DLG2: variants seen among roughly 807,000 people sequenced by gnomAD.
The protein encoded by DLG2 is disks large homolog 2.
Under a neutral mutation model 132.5 loss-of-function variants are expected in DLG2, and 45 were observed. The ratio of observed to expected loss-of-function variants is 0.34; its 90% CI spans 0.27 to 0.44. The LOEUF is 0.44. Among genes scored for constraint, DLG2 ranks in the 20% least tolerant of loss-of-function variants. The probability of loss-of-function intolerance (pLI) is 1.00; values close to 1 mark genes in which losing one functional copy is unlikely to be tolerated. For synonymous variants in DLG2, 424 were observed against 419.6 expected, an observed-to-expected ratio of 1.01 and a Z score of -0.13; for missense variants, 1,045 against 1,196.9, an observed-to-expected ratio of 0.87 and a Z score of 1.87.
rs2058347239 is a variant in DLG2, at chr11:84,694,011, G to T, written c.358-159280C>A. Among the ~76,000 whole-genome samples, 2 of 151,546 alleles carry T rather than the reference G, an allele frequency of 1.3e-5. 1 individual carries two copies. The highest frequency in any genetic ancestry group is 4.1e-4 in the South Asian group (2 of 4,822). ...ACCATACATGTAATTGTTTTAAGTA[G>T]AAGTTTCAAATAGACCACAGGCCTA... On this transcript the variant is annotated intron_variant, in intron 6 of 27. Coordinates refer to ENST00000376104, the MANE Select transcript of DLG2 (RefSeq NM_001142699.3).
At chr11:84,222,591 AT>A (rs1440002369) in intron 8 of DLG2, among the ~76,000 whole-genome samples, 1 of 152,188 alleles carries the variant, frequency 6.6e-6, no homozygotes, top group African/African-American at 2.4e-5. Flanking sequence ...TTGCACATGT[AT>A]CACCTAACCT....
chr11:85,599,605 T>G (rs1203843888), intron 2 of DLG2, among the ~76,000 whole-genome samples: 1 of 152,162 alleles, frequency 6.6e-6, no homozygotes, highest in Admixed American at 6.5e-5. Flanking sequence ...AGACAATATA[T>G]GCACAATCCC....
chr11:84,677,016 G>C (rs1158239331), intron 6 of DLG2, among the ~76,000 whole-genome samples: 1 of 151,912 alleles, frequency 6.6e-6, no homozygotes, highest in Admixed American at 6.6e-5. Flanking sequence ...GATCATGAAG[G>C]GCCCTAGAGG....
chr11:84,793,382 T>C (rs1488274919), intron 6 of DLG2, among the ~76,000 whole-genome samples: 1 of 152,210 alleles, frequency 6.6e-6, no homozygotes, highest in South Asian at 2.1e-4. Flanking sequence ...TTTTGGCCAC[T>C]GGATGAAATG....
At position 84,511,291 on chromosome 11, in the gene DLG2, A is replaced by C. The variant is rs2099256398; in HGVS notation, c.519+23279T>G. 3.3e-5 allele frequency among the ~76,000 whole-genome samples: 5 copies of C among 152,222 alleles called. No homozygotes were observed. In the South Asian group the frequency reaches 1.0e-3, roughly 32 times the overall value. ...GTTATTCTATTCTTACTTCAATTTA[A>C]TATAGGACTAATCAAATATGAATGC... On this transcript the variant is annotated intron_variant, in intron 7 of 27. Coordinates refer to ENST00000376104, the MANE Select transcript of DLG2 (RefSeq NM_001142699.3).
intron 17 of DLG2, among the ~76,000 whole-genome samples, chr11:83,818,449 T>C (rs2153976645): frequency 6.6e-6 from 1 of 152,296 alleles, no homozygotes; most frequent in African/African-American, 2.4e-5. Context: ...CTCACTGTAC[T>C]TTTCTTATAG....
intron 7 of DLG2, among the ~76,000 whole-genome samples, chr11:84,262,182 T>C (rs890667409): frequency 2.6e-5 from 4 of 152,270 alleles, no homozygotes; most frequent in Admixed American, 2.0e-4. Flanking sequence ...ACCAGACTAA[T>C]AACCAGATGG....
chr11:85,505,533 G>T (rs528701199), intron 3 of DLG2, among the ~76,000 whole-genome samples: 5 of 152,086 alleles, frequency 3.3e-5, no homozygotes, highest in African/African-American at 7.2e-5. Flanking sequence ...ATTGATTTGC[G>T]TATGTTGAAC....
chr11:83,699,862 C>A (rs2082592519), intron 18 of DLG2, among the ~76,000 whole-genome samples: 1 of 148,680 alleles, frequency 6.7e-6, no homozygotes, highest in Admixed American at 6.7e-5. Flanking sequence ...TGTATGTATG[C>A]ATGTATCTGT....
At chr11:84,460,778 C>T (rs2099078231) in intron 7 of DLG2, among the ~76,000 whole-genome samples, 1 of 150,580 alleles carries the variant, frequency 6.6e-6, no homozygotes, top group Non-Finnish European at 1.5e-5. Flanking sequence ...TTCTCTAGTG[C>T]TGATGAGGAA....
intron 6 of DLG2, among the ~76,000 whole-genome samples, chr11:84,653,909 C>G (rs942673492): frequency 2.6e-5 from 4 of 152,088 alleles, no homozygotes; most frequent in Non-Finnish European, 5.9e-5. Context: ...CTCCATCACT[C>G]CAGAATTCTA....
At chr11:84,056,785 G>T (rs2096508489) in intron 11 of DLG2, among the ~76,000 whole-genome samples, 1 of 152,060 alleles carries the variant, frequency 6.6e-6, no homozygotes, top group African/African-American at 2.4e-5. Flanking sequence ...GACTAAAATA[G>T]TTTTTCTGTA....
chr11:85,294,788 A>G (rs1230609433), intron 3 of DLG2, among the ~76,000 whole-genome samples: 1 of 152,172 alleles, frequency 6.6e-6, no homozygotes, highest in Non-Finnish European at 1.5e-5. Flanking sequence ...ACTTGAATCA[A>G]TAAAGCAGAA....
At chr11:85,089,967 G>A (rs1392761021) in intron 6 of DLG2, among the ~76,000 whole-genome samples, 2 of 152,122 alleles carry the variant, frequency 1.3e-5, no homozygotes, top group Middle Eastern at 3.2e-3. Flanking sequence ...CTTCTATAAT[G>A]TTTAAATTTG....
chr11:83,902,117 C>T (rs2073620923), intron 15 of DLG2, among the ~76,000 whole-genome samples: 1 of 152,118 alleles, frequency 6.6e-6, no homozygotes, highest in African/African-American at 2.4e-5. Flanking sequence ...TCATGATCCA[C>T]CATTTAGCCT....
intron 6 of DLG2, among the ~76,000 whole-genome samples, chr11:84,782,441 CA>C (rs532587205): frequency 5.7e-4 from 34 of 60,152 alleles, no homozygotes; most frequent in African/African-American, 2.9e-3. Context: ...ACCCCTACCA[CA>C]CACACACACA....
rs530718291 is a variant in DLG2, at chr11:84,402,699, G to A, written c.519+131871C>T. 2.0e-5 allele frequency among the ~76,000 whole-genome samples: 3 copies of A among 151,882 alleles called. 1 individual carries two copies. Among genetic ancestry groups the A allele is most frequent in the East Asian group, 1.9e-4 (1 of 5,164 alleles). ...AGATAAAGACCACCCCGGCTCACACGGTGAAACCCCGTCTCTACTAAAAAT... is the reference window on the plus strand; with the variant it reads ...AGATAAAGACCACCCCGGCTCACACAGTGAAACCCCGTCTCTACTAAAAAT... On this transcript the variant is annotated intron_variant, in intron 7 of 27. Transcript: ENST00000376104.
chr11:85,354,128 C>T (rs948947305), intron 3 of DLG2, among the ~76,000 whole-genome samples: 1 of 151,882 alleles, frequency 6.6e-6, no homozygotes, highest in South Asian at 2.1e-4. Context: ...CTTTCGTGCC[C>T]CACTACCCTA....
intron 9 of DLG2, among the ~76,000 whole-genome samples, chr11:84,152,166 T>C (rs1440640041): frequency 2.0e-5 from 3 of 151,962 alleles, no homozygotes; most frequent in Admixed American, 1.3e-4. Context: ...CCACTATTAT[T>C]ATGTGGCTAA....
Sources: gnomAD v4.1 joint callset for allele counts (sites outside exome capture counted in the v4.1 genomes callset) on GRCh38, gnomAD v4.1.1 for gene constraint, MANE v1.5 for transcripts, NCBI Gene and HGNC (gene_info 2026-07-23, HGNC 2026-07-21) for gene names.